The following SCAPER variants were observed in gnomAD, a reference collection of about 807,000 sequenced individuals.
SCAPER encodes the protein S phase cyclin A-associated protein in the endoplasmic reticulum.
SCAPER carries 98 observed loss-of-function variants against 182.2 expected under a neutral mutation model. That is an observed-to-expected ratio of 0.54 (90% CI 0.46 to 0.64). The LOEUF (loss-of-function observed/expected upper bound fraction) is 0.64. Ranked by LOEUF, SCAPER falls within the 30% of genes least tolerant of loss-of-function variation. The pLI, the probability that SCAPER is intolerant of heterozygous loss-of-function variation, is 0.00. For missense variants in SCAPER, 1,432 were observed against 1,690.0 expected, an observed-to-expected ratio of 0.85 and a Z score of 2.68; for synonymous variants, 605 against 564.6, an observed-to-expected ratio of 1.07 and a Z score of -1.01.
intron 23 of SCAPER, among the ~76,000 whole-genome samples, chr15:76,548,822 G>A (rs1427431849): frequency 5.3e-5 from 8 of 152,138 alleles, no homozygotes; most frequent in Non-Finnish European, 1.2e-4. Flanking sequence ...CTAAATGTTA[G>A]ACCTAAAACC....
rs56986282 is a variant in SCAPER, at chr15:76,726,156, A to ATATATATATATATATATATATATAT, written c.2165+2438_2165+2439insATATATATATATATATATATATATA. The stretch of plus-strand genomic sequence containing the variant: ...ATATATATATATATATATATATATA[A>ATATATATATATATATATATATATAT]AAAACTCTATAACCCAACAAGAAAA... On this transcript the variant is annotated intron_variant, in intron 17 of 31. Coordinates refer to ENST00000563290, the MANE Select transcript of SCAPER (RefSeq NM_020843.4). Among the ~76,000 whole-genome samples, 188 of 79,684 alleles carry ATATATATATATATATATATATATAT rather than the reference A, an allele frequency of 2.4e-3. 27 individuals are homozygous for ATATATATATATATATATATATATAT. The highest frequency in any genetic ancestry group is 2.7e-3 in the Non-Finnish European group (116 of 43,036). 52.3% of individuals were successfully genotyped at this position (79,684 alleles called of 152,430 possible).
At chr15:76,851,141 A>G (rs2070716227) in intron 4 of SCAPER, among the ~76,000 whole-genome samples, 1 of 152,160 alleles carries the variant, frequency 6.6e-6, no homozygotes, top group Non-Finnish European at 1.5e-5. Flanking sequence ...AAGACTGACA[A>G]AAATAAAGAA....
intron 23 of SCAPER, among the ~76,000 whole-genome samples, chr15:76,523,654 C>T (rs1056197607): frequency 6.6e-6 from 1 of 151,988 alleles, no homozygotes; most frequent in Non-Finnish European, 1.5e-5. Context: ...ACCATAATTG[C>T]ATAGTACATA....
rs1308907768 is a variant in SCAPER, at chr15:76,604,550, T to C, written c.2711+17214A>G. ...ATATGAACTTTAAAGTAGTTTTTTC[T>C]GATTCTGTGAAGAAAGTCATTGGTA... is the stretch of plus-strand genomic sequence containing the variant. On this transcript the variant is annotated intron_variant, in intron 22 of 31. Transcript: ENST00000563290. Among the ~76,000 whole-genome samples the C allele has an allele frequency of 1.8e-4, 16 of 89,876 alleles. 3 individuals carry two copies. The South Asian group carries it at 2.7e-3, about 15-fold the overall frequency. The allele number at this position is 89,876 out of a possible 152,430, so 59.0% of individuals were successfully genotyped here. A position where few individuals can be genotyped will look rare whatever the true frequency, so the allele number is the denominator to read the frequency against.
intron 23 of SCAPER, among the ~76,000 whole-genome samples, chr15:76,570,093 T>C (rs1597436649): frequency 6.6e-6 from 1 of 152,174 alleles, no homozygotes; most frequent in East Asian, 1.9e-4. Context: ...AATTTTCCAA[T>C]TGCTTCTGTT....
chr15:76,773,725 T>A (rs1334809741), intron 9 of SCAPER, among the ~76,000 whole-genome samples: 1 of 151,812 alleles, frequency 6.6e-6, no homozygotes, highest in Non-Finnish European at 1.5e-5. Flanking sequence ...TAAAGGAAGA[T>A]AAGGAATTTG....
At chr15:76,475,408 C>A (rs1414655937) in intron 24 of SCAPER, among the ~76,000 whole-genome samples, 1 of 151,900 alleles carries the variant, frequency 6.6e-6, no homozygotes, top group Non-Finnish European at 1.5e-5. Flanking sequence ...CTCACTGCAA[C>A]CTCCGCCTCT....
intron 18 of SCAPER, among the ~76,000 whole-genome samples, chr15:76,705,599 A>G (rs963326545): frequency 9.2e-5 from 14 of 152,086 alleles, no homozygotes; most frequent in African/African-American, 3.4e-4. Flanking sequence ...TTAAAAAAAA[A>G]CAATGTAAAT....
At chr15:76,466,879 G>A (rs2049707363) in intron 25 of SCAPER, among the ~76,000 whole-genome samples, 1 of 151,954 alleles carries the variant, frequency 6.6e-6, no homozygotes, top group South Asian at 2.1e-4. Flanking sequence ...TCTGTCTTTA[G>A]CACTGTGATA....
rs1313178675 is a variant in SCAPER, at chr15:76,693,369, C to T, written c.2508+8389G>A. 3.9e-5 allele frequency among the ~76,000 whole-genome samples: 6 copies of T among 152,192 alleles called. No homozygotes were observed. In the East Asian group the frequency reaches 9.6e-4, roughly 24 times the overall value. On this transcript the variant is annotated intron_variant, in intron 20 of 31. Coordinates refer to ENST00000563290, the MANE Select transcript of SCAPER (RefSeq NM_020843.4). The stretch of plus-strand genomic sequence containing the variant: ...GGCAAGGATGTGGAGAAATTGGAAT[C>T]CTTGTACATTGCTGGTAGGAATGTA...
chr15:76,602,694 A>G (rs1339803511), intron 22 of SCAPER, among the ~76,000 whole-genome samples: 4 of 120,336 alleles, frequency 3.3e-5, no homozygotes, highest in African/African-American at 1.0e-4. Flanking sequence ...CCCTTCTGGT[A>G]TCCCAATTAC....
At chr15:76,586,816 T>C (rs866508397) in intron 22 of SCAPER, 4 of 152,204 alleles carry the variant, frequency 2.6e-5, no homozygotes, top group South Asian at 2.1e-4. Context: ...ACTGGCTTCA[T>C]AGAATGATTT....
intron 21 of SCAPER, among the ~76,000 whole-genome samples, chr15:76,632,630 G>C (rs2053216518): frequency 6.6e-6 from 1 of 152,154 alleles, no homozygotes; most frequent in Non-Finnish European, 1.5e-5. Context: ...CTTCAGCCCA[G>C]TTCTGTGCCC....
At chr15:76,790,616 G>A (rs2064941011) in intron 8 of SCAPER, among the ~76,000 whole-genome samples, 3 of 151,942 alleles carry the variant, frequency 2.0e-5, no homozygotes, top group Admixed American at 2.0e-4. Flanking sequence ...TAATATTTGT[G>A]GTATCTCTAG....
intron 21 of SCAPER, among the ~76,000 whole-genome samples, chr15:76,654,321 T>C (rs1330107575): frequency 6.6e-6 from 1 of 152,028 alleles, no homozygotes; most frequent in Admixed American, 6.5e-5. Context: ...GGCAGGAGAA[T>C]GGCGTGAACC....
At chr15:76,899,650 G>A (rs1325674454) in intron 1 of SCAPER, among the ~76,000 whole-genome samples, 1 of 151,616 alleles carries the variant, frequency 6.6e-6, no homozygotes, top group African/African-American at 2.4e-5. Context: ...GAGCCCCTCT[G>A]CCTGGCCGCC....
At chr15:76,767,171 T>C in intron 10 of SCAPER, 83 bp from the exon 11 acceptor site, 2 of 1,219,684 alleles carry the variant, frequency 1.6e-6, no homozygotes, top group South Asian at 1.4e-5. Context: ...TAACATGAAC[T>C]CAACAGTATA....
chr15:76,739,776 G>C (rs187179250), intron 15 of SCAPER, among the ~76,000 whole-genome samples: 1 of 152,152 alleles, frequency 6.6e-6, no homozygotes, highest in African/African-American at 2.4e-5. Context: ...AAGGTGATTC[G>C]TGAGCTAAGG....
intron 20 of SCAPER, among the ~76,000 whole-genome samples, chr15:76,687,946 G>A (rs1330559027): frequency 6.6e-6 from 1 of 152,160 alleles, no homozygotes; most frequent in Non-Finnish European, 1.5e-5. Flanking sequence ...AATCCTTTGG[G>A]TATATACCCA....
Sources: allele counts gnomAD v4.1 joint callset (sites outside exome capture counted in the v4.1 genomes callset), GRCh38; gene constraint gnomAD v4.1.1; transcripts MANE v1.5; gene names NCBI Gene and HGNC (gene_info 2026-07-23, HGNC 2026-07-21).